The following RCBTB2 variants were observed in gnomAD, a reference collection of about 807,000 sequenced individuals.
The protein encoded by RCBTB2 is RCC1 and BTB domain containing protein 2.
Under a neutral mutation model 65.4 loss-of-function variants are expected in RCBTB2, and 55 were observed. That is an observed-to-expected ratio of 0.84 (90% CI 0.68 to 1.05). The LOEUF is 1.05. Ranked by LOEUF, RCBTB2 falls within the 50% of genes least tolerant of loss-of-function variation. The pLI is 0.00. For synonymous variants in RCBTB2, 220 were observed against 255.2 expected (o/e 0.86, Z 1.31); for missense variants, 599 against 680.1 (o/e 0.88, Z 1.33).
intron 6 of RCBTB2, among the ~76,000 whole-genome samples, chr13:48,513,799 T>C (rs1300607888): frequency 3.9e-5 from 6 of 152,230 alleles, no homozygotes; most frequent in Non-Finnish European, 1.5e-5. Flanking sequence ...GTTCTTGCTG[T>C]CTGTTGTTTC....
At chr13:48,509,259 C>CAAG (rs1417109000) in intron 10 of RCBTB2, among the ~76,000 whole-genome samples, 1 of 152,050 alleles carries the variant, frequency 6.6e-6, no homozygotes, top group East Asian at 1.9e-4. Flanking sequence ...CTTGGGAAGT[C>CAAG]AAGACTACAG....
At chr13:48,510,521 A>T (rs1055780441) in intron 10 of RCBTB2, 108 bp downstream of exon 10, 3 of 1,259,956 alleles carry the variant, frequency 2.4e-6, no homozygotes, top group African/African-American at 1.5e-5. Flanking sequence ...TTGTTAAATA[A>T]TATTCTAACA....
chr13:48,527,328 T>TATG (rs1445064003), intron 1 of RCBTB2, among the ~76,000 whole-genome samples: 5 of 133,136 alleles, frequency 3.8e-5, no homozygotes, highest in African/African-American at 1.8e-4. Context: ...CTCATATATA[T>TATG]ATATATATGA....
At chr13:48,500,212 TAAG>T (rs1000658628) in intron 12 of RCBTB2, among the ~76,000 whole-genome samples, 38 of 152,198 alleles carry the variant, frequency 2.5e-4, no homozygotes, top group African/African-American at 8.9e-4. Context: ...AATCAAGTTA[TAAG>T]AAGGTCACTA....
At chr13:48,525,779 G>A (rs1240279218) in intron 1 of RCBTB2, among the ~76,000 whole-genome samples, 1 of 151,794 alleles carries the variant, frequency 6.6e-6, no homozygotes, top group African/African-American at 2.4e-5. Flanking sequence ...ATCAAAACAG[G>A]TATATCTACA....
At chr13:48,518,458 C>CA (rs58455074) in intron 4 of RCBTB2, among the ~76,000 whole-genome samples, 1,605 of 98,312 alleles carry the variant, frequency 0.016, 33 homozygotes, top group East Asian at 0.13. Context: ...GAGTACTTTG[C>CA]AAAAAAAAAA....
Position 48,490,433 on chromosome 13 carries a change from T to C in RCBTB2, c.1516-182A>G, listed in dbSNP as rs9332073. On this transcript the variant is annotated intron_variant, in intron 14 of 14. Transcript: ENST00000344532. ...AAGTATAACAAGTATGAATCATCTA[T>C]GCTTGTAAAAATTTAAGTAGCACAG... 6.3e-3 allele frequency among the ~76,000 whole-genome samples: 961 copies of C among 152,346 alleles called. 11 individuals are homozygous for C. Among genetic ancestry groups the C allele is most frequent in the African/African-American group, 0.022 (913 of 41,582 alleles).
In RCBTB2 at chr13:48,489,719, A is replaced by G; in HGVS notation, c.*392T>C. The G allele has an allele frequency of 4.5e-6, 1 of 220,490 alleles. No homozygotes were observed. Among genetic ancestry groups the G allele is most frequent in the Non-Finnish European group, 9.0e-6 (1 of 110,512 alleles). 13.7% of individuals were successfully genotyped at this position (220,490 alleles called of 1,614,324 possible). A position where few individuals can be genotyped will look rare whatever the true frequency, so the allele number is the denominator to read the frequency against. On this transcript the variant is annotated 3_prime_UTR_variant, in exon 15 of 15. Transcript: ENST00000344532. ...ACACAAGGCACTGTGCTGAGTGCTGAAAATGTGGTAAGGACAGACAGCACT... is the reference window on the plus strand; with the variant it reads ...ACACAAGGCACTGTGCTGAGTGCTGGAAATGTGGTAAGGACAGACAGCACT...
At chr13:48,499,066 C>A (rs1472497273) in intron 13 of RCBTB2, among the ~76,000 whole-genome samples, 2 of 151,494 alleles carry the variant, frequency 1.3e-5, no homozygotes, top group African/African-American at 4.9e-5. Context: ...TCACATCTCT[C>A]CTGTGGCAGA....
intron 10 of RCBTB2, among the ~76,000 whole-genome samples, chr13:48,508,305 C>T (rs569101915): frequency 1.3e-5 from 2 of 152,310 alleles, no homozygotes; most frequent in African/African-American, 2.4e-5. Flanking sequence ...GGAATACGCC[C>T]GTGATTGAGT....
chr13:48,517,722 G>A (rs1468424294), intron 4 of RCBTB2, among the ~76,000 whole-genome samples: 1 of 152,154 alleles, frequency 6.6e-6, no homozygotes, highest in Non-Finnish European at 1.5e-5. Flanking sequence ...GAATGCTGTA[G>A]CTAAAAAGAG....
chr13:48,494,184 A>G (rs967146957), intron 14 of RCBTB2, among the ~76,000 whole-genome samples: 1 of 152,214 alleles, frequency 6.6e-6, no homozygotes, highest in African/African-American at 2.4e-5. Flanking sequence ...TGAAACATGA[A>G]CTGTGCTTAG....
rs749650732 is a variant in RCBTB2, at chr13:48,515,636, C to T, written c.148G>A (p.Val50Ile). The T allele has an allele frequency of 2.2e-5, 36 of 1,613,954 alleles. 1 individual carries two copies. The highest frequency in any genetic ancestry group is 1.6e-5 in the Non-Finnish European group (19 of 1,179,978). ...ACTTCATTGCCAGCACTGCCAAAGA[C>T]ACAAGCCTGACGAATTAACTGTAGT... Reference protein sequence around the residue: ...EELQLIRQACVFGSAGNEVLY... With the variant: ...EELQLIRQACIFGSAGNEVLY... Residue 50 changes from valine to isoleucine, a missense_variant, in exon 5 of 15, where the codon GTC becomes ATC. Val to Ile is a conservative substitution (Grantham distance 29, BLOSUM62 3). Transcript: ENST00000344532.
intron 10 of RCBTB2, among the ~76,000 whole-genome samples, chr13:48,507,700 C>A (rs1950574431): frequency 6.6e-6 from 1 of 152,186 alleles, no homozygotes; most frequent in African/African-American, 2.4e-5. Flanking sequence ...AGCAGGGATT[C>A]CCAATCCTGG....
chr13:48,505,173 C>T (rs1950438739), intron 10 of RCBTB2, among the ~76,000 whole-genome samples: 2 of 152,104 alleles, frequency 1.3e-5, no homozygotes, highest in East Asian at 3.9e-4. Context: ...TGTCACTTAG[C>T]ACCTAGGAGC....
Position 48,522,396 on chromosome 13 carries a change from T to C in RCBTB2, c.-112A>G. ...TCAGCTCCACAGAAGAATATATGAT[T>C]TGCTAAGCTGGAAAAAAAAAAGGAG... On this transcript the variant is annotated 5_prime_UTR_variant, in exon 3 of 15. Coordinates refer to ENST00000344532, the MANE Select transcript of RCBTB2 (RefSeq NM_001268.4). The C allele has an allele frequency of 7.4e-7, 1 of 1,350,950 alleles. No individual in the cohort carries two copies. Among genetic ancestry groups the C allele is most frequent in the Non-Finnish European group, 1.0e-6 (1 of 989,006 alleles). 83.7% of individuals were successfully genotyped at this position (1,350,950 alleles called of 1,614,324 possible).
At position 48,514,135 on chromosome 13, in the gene RCBTB2, C is replaced by A. The variant is rs189927284; in HGVS notation, c.349+1070G>T. Among the ~76,000 whole-genome samples the A allele has an allele frequency of 6.0e-4, 92 of 152,284 alleles. 1 individual carries two copies. The highest frequency in any genetic ancestry group is 2.2e-3 in the African/African-American group (92 of 41,548). ...ACCGTATGGTTTCTCTTTGGCATAT[C>A]CAAATTGCAAGCATCACTACTCTTG... On this transcript the variant is annotated intron_variant, in intron 6 of 14. Coordinates refer to ENST00000344532, the MANE Select transcript of RCBTB2 (RefSeq NM_001268.4).
chr13:48,532,873 G>C (rs1368098886), intron 1 of RCBTB2, 155 bp downstream of exon 1: 2 of 396,376 alleles, frequency 5.0e-6, no homozygotes, highest in East Asian at 8.5e-5. Flanking sequence ...TGGCACGGTC[G>C]CGGCTCTAGT....
intron 10 of RCBTB2, among the ~76,000 whole-genome samples, chr13:48,506,263 T>C (rs540893508): frequency 3.5e-4 from 54 of 152,324 alleles, no homozygotes; most frequent in African/African-American, 1.3e-3. Flanking sequence ...CAATGAGGCT[T>C]GCCAGGAACA....
Sources: gnomAD v4.1 joint callset for allele counts (sites outside exome capture counted in the v4.1 genomes callset) on GRCh38, gnomAD v4.1.1 for gene constraint, MANE v1.5 for transcripts, NCBI Gene and HGNC (gene_info 2026-07-23, HGNC 2026-07-21) for gene names.